AGBL1: variants seen among roughly 807,000 people sequenced by gnomAD.
The protein encoded by AGBL1 is cytosolic carboxypeptidase 4.
A neutral mutation model predicts 118.9 loss-of-function variants in AGBL1; 130 were observed. That is an observed-to-expected ratio of 1.09 (90% CI 0.95 to 1.26). The LOEUF (loss-of-function observed/expected upper bound fraction) is 1.26, where lower values mean the gene tolerates loss of function less well. Ranked by LOEUF, AGBL1 falls within the 50% of genes most tolerant of loss-of-function variation. The probability of loss-of-function intolerance (pLI) is 0.00; values close to 1 mark genes in which losing one functional copy is unlikely to be tolerated. For synonymous variants in AGBL1, 555 were observed against 478.9 expected (o/e 1.16, Z -2.08); for missense variants, 1,584 against 1,298.1 (o/e 1.22, Z -3.38).
intron 22 of AGBL1, among the ~76,000 whole-genome samples, chr15:86,878,151 G>A (rs1377281484): frequency 6.6e-6 from 1 of 152,200 alleles, no homozygotes; most frequent in African/African-American, 2.4e-5. Flanking sequence ...TGAGACTCTG[G>A]AGACAGAATG....
intron 1 of AGBL1, among the ~76,000 whole-genome samples, chr15:86,137,540 A>C (rs1010042544): frequency 6.6e-6 from 1 of 152,158 alleles, no homozygotes; most frequent in Non-Finnish European, 1.5e-5. Flanking sequence ...GAGGACCCAA[A>C]ATTGTGTCTT....
intron 22 of AGBL1, among the ~76,000 whole-genome samples, chr15:86,713,416 T>A (rs2086590639): frequency 6.6e-6 from 1 of 152,208 alleles, no homozygotes; most frequent in South Asian, 2.1e-4. Context: ...TGATTTTTAA[T>A]TAATTATGGC....
intron 19 of AGBL1, among the ~76,000 whole-genome samples, chr15:86,523,788 T>C (rs1267468423): frequency 6.6e-6 from 1 of 152,184 alleles, no homozygotes; most frequent in Non-Finnish European, 1.5e-5. Context: ...ACTATACAAT[T>C]GATTGAAAAA....
intron 21 of AGBL1, among the ~76,000 whole-genome samples, chr15:86,618,483 T>C (rs2084760707): frequency 1.3e-5 from 2 of 152,212 alleles, no homozygotes; most frequent in Non-Finnish European, 2.9e-5. Context: ...ATTAAAAATA[T>C]AGATCTCTGG....
intron 22 of AGBL1, among the ~76,000 whole-genome samples, chr15:86,755,983 G>T (rs2077933253): frequency 6.6e-6 from 1 of 152,116 alleles, no homozygotes; most frequent in Non-Finnish European, 1.5e-5. Context: ...CTAGAGGCTG[G>T]AATTTCCCCA....
At chr15:86,315,657 G>GCAGTGAGCTGAGAT (rs1472437273) in intron 17 of AGBL1, among the ~76,000 whole-genome samples, 2 of 149,940 alleles carry the variant, frequency 1.3e-5, no homozygotes, top group Non-Finnish European at 2.9e-5. Context: ...GGCAGAGGTT[G>GCAGTGAGCTGAGAT]CAGTGAGCTG....
rs139696013 is a variant in AGBL1 at position 86,884,002 on chromosome 15, G to A, written c.3159-23085G>A. Among the ~76,000 whole-genome samples, 929 of 152,218 alleles carry A rather than the reference G, an allele frequency of 6.1e-3. 4 individuals carry two copies. Among genetic ancestry groups the A allele is most frequent in the Middle Eastern group, 0.014 (4 of 294 alleles). On this transcript the variant is annotated intron_variant, in intron 22 of 22. Transcript: ENST00000614907. ...ACTCTATATATACTATGCACTAATT[G>A]TTTTTCTTCTGAGACCCATGGATAG...
intron 18 of AGBL1, among the ~76,000 whole-genome samples, chr15:86,439,353 C>A (rs1226364629): frequency 6.6e-6 from 1 of 152,148 alleles, no homozygotes; most frequent in Non-Finnish European, 1.5e-5. Flanking sequence ...CCTTGATATC[C>A]CACACTTAGA....
At chr15:86,361,142 A>G (rs1196170918) in intron 17 of AGBL1, among the ~76,000 whole-genome samples, 1 of 151,924 alleles carries the variant, frequency 6.6e-6, no homozygotes, top group Non-Finnish European at 1.5e-5. Flanking sequence ...CATCCAATAA[A>G]TTTTGTTATG....
Position 86,475,239 on chromosome 15 carries a change from G to A in AGBL1, c.2556-47571G>A, listed in dbSNP as rs142928466. ...GATGGACAGAGAATGACTTTGACGC[G>A]CTGAGAGAAGAAGGCTTCAGACGAT... On this transcript the variant is annotated intron_variant, in intron 18 of 22. Transcript: ENST00000614907. 8.5e-5 allele frequency among the ~76,000 whole-genome samples: 13 copies of A among 152,278 alleles called. No individual in the cohort carries two copies. The East Asian group carries it at 1.2e-3, about 14-fold the overall frequency.
chr15:86,568,270 T>C (rs76181961), intron 21 of AGBL1, among the ~76,000 whole-genome samples: 17,349 of 152,110 alleles, frequency 0.11, 1,456 homozygotes, highest in African/African-American at 0.24. Context: ...CAGATATATA[T>C]AAAATTATTT....
Position 86,613,045 on chromosome 15 carries a change from T to G in AGBL1, c.2994+58508T>G, listed in dbSNP as rs2084678521. 2.0e-5 allele frequency among the ~76,000 whole-genome samples: 3 copies of G among 152,172 alleles called. No homozygotes were observed. Among genetic ancestry groups the G allele is most frequent in the African/African-American group, 7.2e-5 (3 of 41,438 alleles). ...CATGTCTTTGTCTGTAACTTTTGTC[T>G]CCCTAAAATGTATAAAGCCAAGATG... On this transcript the variant is annotated intron_variant, in intron 21 of 22. Coordinates refer to ENST00000614907, the MANE Select transcript of AGBL1 (RefSeq NM_001386094.1). This position sits in a 1 kb window ranked among gnomAD's most constrained non-coding sequence, Gnocchi z 4.2.
At chr15:86,929,446 C>A (rs1037900104) in intron 23 of AGBL1, among the ~76,000 whole-genome samples, 1 of 152,208 alleles carries the variant, frequency 6.6e-6, no homozygotes. Flanking sequence ...TGATCACATT[C>A]CCCTCCAATA....
At chr15:86,339,796 G>A (rs985993887) in intron 17 of AGBL1, among the ~76,000 whole-genome samples, 8 of 151,870 alleles carry the variant, frequency 5.3e-5, no homozygotes, top group East Asian at 3.9e-4. Flanking sequence ...ATGAAACCCC[G>A]TCTCTATTAA....
chr15:86,712,124 C>T (rs558355952), intron 22 of AGBL1, among the ~76,000 whole-genome samples: 1 of 152,234 alleles, frequency 6.6e-6, no homozygotes, highest in Non-Finnish European at 1.5e-5. Context: ...TTATACTAAC[C>T]TAAGCTACTA....
intron 22 of AGBL1, among the ~76,000 whole-genome samples, chr15:86,750,527 A>G (rs1210833543): frequency 1.3e-5 from 2 of 152,006 alleles, no homozygotes; most frequent in South Asian, 2.1e-4. Context: ...TTTTGCTTTG[A>G]AAAACAATCC....
chr15:87,011,106 G>A (rs1278905904), intron 24 of AGBL1, among the ~76,000 whole-genome samples: 2 of 152,198 alleles, frequency 1.3e-5, no homozygotes, highest in Non-Finnish European at 2.9e-5. Context: ...GATAGTGAAT[G>A]AAAGTGATTT....
intron 17 of AGBL1, among the ~76,000 whole-genome samples, chr15:86,321,987 A>T (rs945262431): frequency 6.6e-6 from 1 of 151,528 alleles, no homozygotes; most frequent in African/African-American, 2.4e-5. Context: ...GTTGATTGTA[A>T]ATTAATTTTA....
chr15:86,352,327 T>C (rs2080640535), intron 17 of AGBL1, among the ~76,000 whole-genome samples: 1 of 152,198 alleles, frequency 6.6e-6, no homozygotes, highest in South Asian at 2.1e-4. Flanking sequence ...TTCCTTTTAT[T>C]GACCTCTTGG....
Sources: allele counts gnomAD v4.1 joint callset (sites outside exome capture counted in the v4.1 genomes callset), GRCh38; gene constraint gnomAD v4.1.1; non-coding constraint Gnocchi (gnomAD v3.1); transcripts MANE v1.5; gene names NCBI Gene and HGNC (gene_info 2026-07-23, HGNC 2026-07-21).